The following DENND5B variants were observed in gnomAD, a reference collection of about 807,000 sequenced individuals.
DENND5B encodes the protein DENN domain containing 5B, also known as DENN domain-containing protein 5B.
In DENND5B, 34 loss-of-function variants were observed where a neutral mutation model predicts 140.6. The ratio of observed to expected loss-of-function variants is 0.24; its 90% CI spans 0.18 to 0.32. DENND5B has a LOEUF of 0.32. Among genes scored for constraint, DENND5B ranks in the 10% least tolerant of loss-of-function variants. The pLI, the probability that DENND5B is intolerant of heterozygous loss-of-function variation, is 1.00. For missense variants in DENND5B, 1,142 were observed against 1,560.2 expected (o/e 0.73, Z 4.52); for synonymous variants, 551 against 562.1 (o/e 0.98, Z 0.28).
intron 15 of DENND5B, among the ~76,000 whole-genome samples, chr12:31,400,855 T>TG (rs974998025): frequency 4.2e-4 from 63 of 151,668 alleles, no homozygotes; most frequent in African/African-American, 6.0e-4. Flanking sequence ...TTTTTGTTTT[T>TG]TTTTTAGACA....
At chr12:31,578,712 T>G (rs1177604222) in intron 1 of DENND5B, among the ~76,000 whole-genome samples, 1 of 152,176 alleles carries the variant, frequency 6.6e-6, no homozygotes, top group Non-Finnish European at 1.5e-5. Flanking sequence ...TCATGAACAG[T>G]AGGCCCATTA....
intron 1 of DENND5B, among the ~76,000 whole-genome samples, chr12:31,514,442 T>C (rs1947545473): frequency 6.6e-6 from 1 of 152,196 alleles, no homozygotes; most frequent in Admixed American, 6.5e-5. Flanking sequence ...ACAGGAATAC[T>C]ACTGACTTTG....
intron 3 of DENND5B, chr12:31,478,032 A>G (rs1481220725): frequency 6.2e-6 from 1 of 160,170 alleles, no homozygotes; most frequent in Non-Finnish European, 1.5e-5. Context: ...TTTTTTATCT[A>G]AAGATGATGA....
intron 1 of DENND5B, chr12:31,535,191 C>T: frequency 3.7e-6 from 1 of 272,692 alleles, no homozygotes; most frequent in Non-Finnish European, 7.1e-6. Flanking sequence ...GCAGGGGTGT[C>T]CAGCCATCCG....
At chr12:31,586,669 T>C (rs1950403025) in intron 1 of DENND5B, among the ~76,000 whole-genome samples, 1 of 152,208 alleles carries the variant, frequency 6.6e-6, no homozygotes, top group Admixed American at 6.5e-5. Flanking sequence ...TTAACTGTTG[T>C]TGTCTTTGAT....
intron 19 of DENND5B, 39 bp downstream of exon 19, chr12:31,392,228 T>G (rs1941185641): frequency 6.2e-7 from 1 of 1,609,242 alleles, no homozygotes; most frequent in African/African-American, 1.3e-5. Context: ...TAAGAAAGGC[T>G]TCAGTGACCT....
At position 31,424,627 on chromosome 12, in the gene DENND5B, C is replaced by T. The variant is rs1426999892; in HGVS notation, c.2299G>A (p.Ala767Thr). The T allele has an allele frequency of 1.2e-6, 2 of 1,613,836 alleles. No homozygotes were observed. The highest frequency in any genetic ancestry group is 1.7e-6 in the Non-Finnish European group (2 of 1,179,898). ...HEAVELGHGE[A>T]NITGLEENTL... ...TTCTCCTCCAGGCCGGTGATGTTTG[C>T]TTCTCCATGGCCAAGTTCCACCGCT... The change falls in exon 10 of 21, where the codon GCA (alanine) becomes ACA (threonine). Residue 767 changes from alanine (A) to threonine (T), a missense_variant. Physicochemically the swap from Ala to Thr is moderately conservative, Grantham distance 58 (BLOSUM62 0). Around this residue, in one of 5 missense-constraint regions of DENND5B, gnomAD observed 33 missense variants for 90.8 expected, o/e 0.36. Transcript: ENST00000389082.
At chr12:31,397,438 C>T (rs1941533232) in intron 17 of DENND5B, among the ~76,000 whole-genome samples, 1 of 144,508 alleles carries the variant, frequency 6.9e-6, no homozygotes, top group Non-Finnish European at 1.5e-5. Context: ...ATCCCAGCTA[C>T]TTGGGAGGCT....
chr12:31,537,258 T>G (rs1052981131), intron 1 of DENND5B, among the ~76,000 whole-genome samples: 1 of 152,078 alleles, frequency 6.6e-6, no homozygotes, highest in African/African-American at 2.4e-5. Flanking sequence ...CTACAACAAC[T>G]TTTCAAGACA....
chr12:31,575,780 C>T (rs1255972964), intron 1 of DENND5B, among the ~76,000 whole-genome samples: 1 of 151,908 alleles, frequency 6.6e-6, no homozygotes, highest in Non-Finnish European at 1.5e-5. Context: ...CAGTGTGACC[C>T]CATGTCTACA....
chr12:31,469,250 C>T (rs1945425297), intron 3 of DENND5B, among the ~76,000 whole-genome samples: 1 of 151,108 alleles, frequency 6.6e-6, no homozygotes, highest in African/African-American at 2.4e-5. Flanking sequence ...AGGAGAATCA[C>T]CTGAACCTGG....
At chr12:31,435,930 GGGATTACA>G (rs1943733043) in intron 7 of DENND5B, among the ~76,000 whole-genome samples, 1 of 152,080 alleles carries the variant, frequency 6.6e-6, no homozygotes, top group Non-Finnish European at 1.5e-5. Context: ...CCAAGTAGGT[GGGATTACA>G]GGTGCAAGCC....
intron 7 of DENND5B, among the ~76,000 whole-genome samples, chr12:31,436,111 C>CTT (rs144152490): frequency 6.9e-6 from 1 of 144,396 alleles, no homozygotes; most frequent in Non-Finnish European, 1.5e-5. Flanking sequence ...AGCCCCCCCA[C>CTT]TTTTTTTTTT....
chr12:31,440,737 T>A (rs1245049150), intron 7 of DENND5B, among the ~76,000 whole-genome samples: 16 of 152,256 alleles, frequency 1.1e-4, no homozygotes. Flanking sequence ...ACATCATGGC[T>A]CACTGCAGCC....
chr12:31,501,306 G>C (rs1946991981), intron 1 of DENND5B, among the ~76,000 whole-genome samples: 1 of 152,164 alleles, frequency 6.6e-6, no homozygotes, highest in African/African-American at 2.4e-5. Flanking sequence ...ATATGAAGAA[G>C]GATGTGTTTA....
In DENND5B at chr12:31,414,559, T is replaced by C. The variant is rs1488141951; in HGVS notation, c.2552+808A>G. 3.9e-5 allele frequency among the ~76,000 whole-genome samples: 6 copies of C among 152,002 alleles called. No homozygotes were observed. The East Asian group carries it at 5.8e-4, about 15-fold the overall frequency. ...TTTAGGACGGGCACAATGGCTCACGTCTGTAATCCCAGCCCTTTGGGAGGC... is the reference window on the plus strand; with the variant it reads ...TTTAGGACGGGCACAATGGCTCACGCCTGTAATCCCAGCCCTTTGGGAGGC... On this transcript the variant is annotated intron_variant, in intron 12 of 20. Coordinates refer to ENST00000389082, the MANE Select transcript of DENND5B (RefSeq NM_144973.4).
At chr12:31,576,555 G>T (rs957970380) in intron 1 of DENND5B, among the ~76,000 whole-genome samples, 1 of 152,126 alleles carries the variant, frequency 6.6e-6, no homozygotes, top group Non-Finnish European at 1.5e-5. Context: ...TGCTAGAAAT[G>T]AAGGTAAATG....
At chr12:31,560,701 T>C (rs987704281) in intron 1 of DENND5B, among the ~76,000 whole-genome samples, 1 of 152,194 alleles carries the variant, frequency 6.6e-6, no homozygotes, top group Non-Finnish European at 1.5e-5. Flanking sequence ...CCCTTCATGA[T>C]GGGGCCTCCT....
intron 1 of DENND5B, chr12:31,589,840 A>T (rs1950541563): frequency 6.6e-6 from 1 of 152,256 alleles, no homozygotes; most frequent in Non-Finnish European, 1.5e-5. Context: ...CCTCCTCTCG[A>T]CACTGCGCAC....
Sources: allele counts gnomAD v4.1 joint callset (sites outside exome capture counted in the v4.1 genomes callset), GRCh38; gene constraint gnomAD v4.1.1; regional missense constraint gnomAD v4.1.1; transcripts MANE v1.5; gene names NCBI Gene and HGNC (gene_info 2026-07-23, HGNC 2026-07-21).